The following ROBO1 variants were observed in gnomAD, a reference collection of about 807,000 sequenced individuals.
ROBO1 encodes roundabout homolog 1.
A neutral mutation model predicts 195.9 loss-of-function variants in ROBO1; 149 were observed. The ratio of observed to expected loss-of-function variants is 0.76; its 90% CI spans 0.67 to 0.87. ROBO1 has a LOEUF of 0.87. ROBO1 is among the 40% of genes least tolerant of loss of function. The pLI, the probability that ROBO1 is intolerant of heterozygous loss-of-function variation, is 0.00. For synonymous variants in ROBO1, 816 were observed against 733.2 expected (o/e 1.11, Z -1.82); for missense variants, 1,933 against 2,068.3 (o/e 0.93, Z 1.27).
intron 1 of ROBO1, among the ~76,000 whole-genome samples, chr3:79,702,424 T>A (rs1431983393): frequency 6.6e-6 from 1 of 151,896 alleles, no homozygotes; most frequent in Non-Finnish European, 1.5e-5. Context: ...TAACTCATTG[T>A]CTCTTCTTTT....
At chr3:79,038,176 A>G (rs545030647) in intron 3 of ROBO1, among the ~76,000 whole-genome samples, 1 of 152,210 alleles carries the variant, frequency 6.6e-6, no homozygotes, top group Non-Finnish European at 1.5e-5. Context: ...CAAGTTTAGT[A>G]GAGTCTCATC....
intron 2 of ROBO1, among the ~76,000 whole-genome samples, chr3:79,210,406 T>C (rs1439690800): frequency 6.6e-6 from 1 of 152,074 alleles, no homozygotes; most frequent in African/African-American, 2.4e-5. Flanking sequence ...CATATAAGAT[T>C]AAAGTGGGGA....
intron 2 of ROBO1, among the ~76,000 whole-genome samples, chr3:79,201,432 T>C (rs1350306438): frequency 1.3e-5 from 2 of 152,028 alleles, no homozygotes; most frequent in African/African-American, 2.4e-5. Context: ...AAATATGTTA[T>C]GTGTATTAGC....
At chr3:79,385,828 T>C (rs1432314934) in intron 2 of ROBO1, among the ~76,000 whole-genome samples, 1 of 152,100 alleles carries the variant, frequency 6.6e-6, no homozygotes, top group Non-Finnish European at 1.5e-5. Context: ...GGAGATAGTT[T>C]CAAGAAATAC....
At chr3:79,505,028 GA>G (rs34568321) in intron 2 of ROBO1, among the ~76,000 whole-genome samples, 47,447 of 149,190 alleles carry the variant, frequency 0.32, 7,544 homozygotes, top group Non-Finnish European at 0.35. Context: ...ATACCTCCCT[GA>G]AAAAAAAAAA....
At chr3:78,847,775 G>A (rs1424281832) in intron 4 of ROBO1, among the ~76,000 whole-genome samples, 1 of 152,022 alleles carries the variant, frequency 6.6e-6, no homozygotes, top group African/African-American at 2.4e-5. Flanking sequence ...AAGTTAAGGT[G>A]GAAATAAACC....
At chr3:79,385,279 T>C (rs538808106) in intron 2 of ROBO1, among the ~76,000 whole-genome samples, 1 of 152,270 alleles carries the variant, frequency 6.6e-6, no homozygotes, top group Admixed American at 6.5e-5. Flanking sequence ...TCTGTATATA[T>C]CTAATCCTGA....
At chr3:79,548,869 T>C (rs1222194695) in intron 2 of ROBO1, among the ~76,000 whole-genome samples, 3 of 152,252 alleles carry the variant, frequency 2.0e-5, no homozygotes, top group Admixed American at 2.0e-4. Context: ...GAGCAGCAAG[T>C]AATCAGTGCA....
intron 2 of ROBO1, among the ~76,000 whole-genome samples, chr3:79,398,813 A>T (rs909934144): frequency 2.0e-5 from 3 of 150,352 alleles, no homozygotes; most frequent in African/African-American, 7.3e-5. Context: ...AAAAAAGGTT[A>T]TTATTAGTGC....
chr3:79,625,767 T>A (rs1945158951), intron 1 of ROBO1, among the ~76,000 whole-genome samples: 4 of 152,152 alleles, frequency 2.6e-5, no homozygotes, highest in African/African-American at 9.7e-5. Context: ...ACAGCTGAAT[T>A]CTACCAGAGG....
intron 2 of ROBO1, among the ~76,000 whole-genome samples, chr3:79,239,472 C>T (rs576696355): frequency 1.6e-4 from 25 of 152,232 alleles, no homozygotes; most frequent in South Asian, 1.5e-3. Flanking sequence ...TCTAAACATA[C>T]GCTTCTAATT....
intron 2 of ROBO1, among the ~76,000 whole-genome samples, chr3:79,557,786 T>A (rs1034312871): frequency 8.3e-5 from 12 of 143,856 alleles, no homozygotes; most frequent in Admixed American, 6.9e-4. Context: ...TTATTGCAAT[T>A]GTGTCTGTAT....
At chr3:78,852,729 C>T (rs2034144667) in intron 4 of ROBO1, among the ~76,000 whole-genome samples, 1 of 152,196 alleles carries the variant, frequency 6.6e-6, no homozygotes, top group South Asian at 2.1e-4. Flanking sequence ...CAATAGGACC[C>T]TTTGAGAGAT....
intron 1 of ROBO1, among the ~76,000 whole-genome samples, chr3:79,672,817 T>C (rs1339160634): frequency 5.3e-5 from 8 of 151,926 alleles, no homozygotes; most frequent in Admixed American, 2.6e-4. Context: ...TTTCTCTATG[T>C]CATGCCAACA....
intron 2 of ROBO1, among the ~76,000 whole-genome samples, chr3:79,175,560 C>T (rs116699391): frequency 2.4e-4 from 36 of 152,294 alleles, no homozygotes; most frequent in African/African-American, 8.7e-4. Flanking sequence ...GCCACATTGT[C>T]CACAAACATA....
At chr3:79,552,891 T>A (rs893231716) in intron 2 of ROBO1, among the ~76,000 whole-genome samples, 6 of 152,080 alleles carry the variant, frequency 3.9e-5, no homozygotes, top group Admixed American at 6.6e-5. Flanking sequence ...TTAGTTACTA[T>A]GATAACACAA....
chr3:78,683,941 C>A (rs1217708780), intron 10 of ROBO1, among the ~76,000 whole-genome samples: 2 of 151,908 alleles, frequency 1.3e-5, no homozygotes, highest in Non-Finnish European at 2.9e-5. Flanking sequence ...AAATTAATTA[C>A]TTAATCCCTA....
At chr3:79,732,090 T>C (rs1456624857) in intron 1 of ROBO1, among the ~76,000 whole-genome samples, 1 of 152,074 alleles carries the variant, frequency 6.6e-6, no homozygotes, top group Non-Finnish European at 1.5e-5. Context: ...GGTTTGTGTA[T>C]ACAAACCCAT....
chr3:79,655,505 A>G (rs903342766), intron 1 of ROBO1, among the ~76,000 whole-genome samples: 4 of 152,112 alleles, frequency 2.6e-5, no homozygotes, highest in African/African-American at 4.8e-5. Flanking sequence ...ATAGTTATCA[A>G]ATCTATCAAT....
Sources: gnomAD v4.1 joint callset for allele counts (sites outside exome capture counted in the v4.1 genomes callset) on GRCh38, gnomAD v4.1.1 for gene constraint, MANE v1.5 for transcripts, NCBI Gene and HGNC (gene_info 2026-07-23, HGNC 2026-07-21) for gene names.